Variants in CADPS2 observed in about 807,000 individuals in gnomAD.
CADPS2 encodes calcium dependent secretion activator 2, also known as calcium-dependent secretion activator 2.
A neutral mutation model predicts 172.5 loss-of-function variants in CADPS2; 93 were observed. That is an observed-to-expected ratio of 0.54 (90% CI 0.46 to 0.64). The LOEUF (loss-of-function observed/expected upper bound fraction) is 0.64, where lower values mean the gene tolerates loss of function less well. Ranked by LOEUF, CADPS2 falls within the 30% of genes least tolerant of loss-of-function variation. CADPS2 has a pLI of 0.00. For synonymous variants in CADPS2, 546 were observed against 555.2 expected (o/e 0.98, Z 0.23); for missense variants, 1,420 against 1,565.9 (o/e 0.91, Z 1.57).
intron 3 of CADPS2, among the ~76,000 whole-genome samples, chr7:122,657,603 C>A (rs1175717835): frequency 1.3e-5 from 2 of 152,094 alleles, no homozygotes; most frequent in African/African-American, 2.4e-5. Flanking sequence ...TGATTTGGCT[C>A]TCTGTTTGTC....
chr7:122,804,248 A>G (rs1363943309), intron 1 of CADPS2, among the ~76,000 whole-genome samples: 2 of 152,206 alleles, frequency 1.3e-5, no homozygotes, highest in Non-Finnish European at 2.9e-5. Context: ...TAATGAATTC[A>G]TTTTAAACCA....
chr7:122,677,351 T>G (rs765931148), intron 2 of CADPS2, among the ~76,000 whole-genome samples: 18 of 152,066 alleles, frequency 1.2e-4, no homozygotes, highest in Non-Finnish European at 2.6e-4. Flanking sequence ...AGACAGTGGG[T>G]AGAGGGAACA....
At chr7:122,423,323 AAAC>A (rs1396152854) in intron 17 of CADPS2, among the ~76,000 whole-genome samples, 3 of 152,156 alleles carry the variant, frequency 2.0e-5, no homozygotes, top group Non-Finnish European at 4.4e-5. Flanking sequence ...CCCATTAAAA[AAAC>A]AACCCATTCC....
chr7:122,621,953 T>C (rs2075649913), intron 4 of CADPS2, among the ~76,000 whole-genome samples: 2 of 152,168 alleles, frequency 1.3e-5, no homozygotes, highest in Admixed American at 6.6e-5. Context: ...AAATCGCATA[T>C]ATTTTCACAT....
intron 6 of CADPS2, among the ~76,000 whole-genome samples, chr7:122,604,956 C>A (rs1437660862): frequency 6.6e-6 from 1 of 152,014 alleles, no homozygotes; most frequent in African/African-American, 2.4e-5. Context: ...CAAACCTAGG[C>A]AGTATGGCCT....
intron 1 of CADPS2, among the ~76,000 whole-genome samples, chr7:122,849,315 T>G (rs1035864711): frequency 2.0e-5 from 3 of 152,252 alleles, no homozygotes; most frequent in African/African-American, 7.2e-5. Flanking sequence ...TTATATTTAA[T>G]TTGCTTAGTC....
At position 122,325,357 on chromosome 7, in the gene CADPS2, A is replaced by T. The variant is rs2033618518; in HGVS notation, c.3717+120T>A. 6.4e-6 allele frequency: 4 copies of T among 628,428 alleles called. No homozygotes were observed. The South Asian group carries it at 8.1e-5, about 13-fold the overall frequency. The allele number at this position is 628,428 out of a possible 1,614,324, so 38.9% of individuals were successfully genotyped here. ...TAAACGTGGAAGTAAACAGTAGCAC[A>T]TCATTGCTAATAAGTGATACTTTTT... On this transcript the variant is annotated intron_variant, in intron 29 of 29. Coordinates refer to ENST00000449022, the MANE Select transcript of CADPS2 (RefSeq NM_017954.11).
At chr7:122,511,987 G>C (rs2060034653) in intron 9 of CADPS2, among the ~76,000 whole-genome samples, 1 of 151,910 alleles carries the variant, frequency 6.6e-6, no homozygotes, top group South Asian at 2.1e-4. Context: ...CAAATGCTAG[G>C]GCTCTATACA....
chr7:122,690,348 G>T (rs936968348), intron 2 of CADPS2, among the ~76,000 whole-genome samples: 9 of 152,188 alleles, frequency 5.9e-5, no homozygotes, highest in Non-Finnish European at 2.9e-5. Flanking sequence ...GGAAGTTTAT[G>T]ATAGTCCACA....
intron 7 of CADPS2, among the ~76,000 whole-genome samples, chr7:122,579,479 A>G (rs1228036490): frequency 7.3e-6 from 1 of 137,660 alleles, no homozygotes; most frequent in Non-Finnish European, 1.6e-5. Context: ...ATATATATAT[A>G]TGTCACTTAT....
rs577372846 is a variant in CADPS2, at chr7:122,591,903, A to T, written c.1224-10613T>A. ...AAAACCCTAGAAGAAAACCTAGGAAATACCATTCAGGACATAGGCATGGAC... is the reference window on the plus strand; with the variant it reads ...AAAACCCTAGAAGAAAACCTAGGAATTACCATTCAGGACATAGGCATGGAC... On this transcript the variant is annotated intron_variant, in intron 6 of 29. Coordinates refer to ENST00000449022, the MANE Select transcript of CADPS2 (RefSeq NM_017954.11). 1.8e-3 allele frequency among the ~76,000 whole-genome samples: 275 copies of T among 152,292 alleles called. 1 individual carries two copies. The East Asian group carries it at 0.026, about 14-fold the overall frequency.
At chr7:122,516,019 A>G (rs769086182) in intron 8 of CADPS2, among the ~76,000 whole-genome samples, 8 of 152,086 alleles carry the variant, frequency 5.3e-5, no homozygotes, top group Non-Finnish European at 1.2e-4. Context: ...ATTAAAATAT[A>G]TGGTTTCTTT....
intron 12 of CADPS2, 145 bp from the exon 13 acceptor site, chr7:122,474,662 T>C (rs968736685): frequency 2.8e-6 from 2 of 714,722 alleles, no homozygotes; most frequent in Admixed American, 6.2e-5. Flanking sequence ...TTCAGCATAT[T>C]AACATAAATT....
intron 14 of CADPS2, among the ~76,000 whole-genome samples, chr7:122,462,552 T>C (rs1403211023): frequency 6.6e-6 from 1 of 152,210 alleles, no homozygotes; most frequent in African/African-American, 2.4e-5. Flanking sequence ...ATGATAAATG[T>C]AAATGGACCA....
intron 2 of CADPS2, among the ~76,000 whole-genome samples, chr7:122,692,610 C>A (rs939646166): frequency 2.9e-4 from 44 of 152,196 alleles, no homozygotes; most frequent in African/African-American, 1.0e-3. Context: ...ACATAGCCGA[C>A]CCAAGACCCC....
At chr7:122,369,453 T>C (rs1444213698) in intron 25 of CADPS2, among the ~76,000 whole-genome samples, 1 of 152,152 alleles carries the variant, frequency 6.6e-6, no homozygotes, top group African/African-American at 2.4e-5. Flanking sequence ...TTAAGGTTAC[T>C]TTCCCTCTTT....
At chr7:122,830,070 A>G (rs1584727803) in intron 1 of CADPS2, among the ~76,000 whole-genome samples, 2 of 151,816 alleles carry the variant, frequency 1.3e-5, no homozygotes, top group African/African-American at 2.4e-5. Flanking sequence ...TTTCAAGGAG[A>G]GAAAACTTTG....
At chr7:122,649,532 C>T (rs1406897611) in intron 3 of CADPS2, among the ~76,000 whole-genome samples, 1 of 152,186 alleles carries the variant, frequency 6.6e-6, no homozygotes, top group Admixed American at 6.5e-5. Flanking sequence ...CTGACCTCCA[C>T]AGACCATTTC....
intron 1 of CADPS2, among the ~76,000 whole-genome samples, chr7:122,872,885 G>A (rs568596584): frequency 1.3e-5 from 2 of 151,996 alleles, no homozygotes; most frequent in African/African-American, 2.4e-5. Flanking sequence ...GAATGTCCAC[G>A]GACTCACAAC....
Sources: gnomAD v4.1 joint callset for allele counts (sites outside exome capture counted in the v4.1 genomes callset) on GRCh38, gnomAD v4.1.1 for gene constraint, MANE v1.5 for transcripts, NCBI Gene and HGNC (gene_info 2026-07-23, HGNC 2026-07-21) for gene names.